RGS7: variants seen among roughly 807,000 people sequenced by gnomAD.
The protein encoded by RGS7 is regulator of G protein signaling 7.
RGS7 carries 27 observed loss-of-function variants against 81.1 expected under a neutral mutation model. The ratio of observed to expected loss-of-function variants is 0.33; its 90% confidence interval spans 0.25 to 0.46. The LOEUF (loss-of-function observed/expected upper bound fraction) is 0.46. Ranked by LOEUF, RGS7 falls within the 20% of genes least tolerant of loss-of-function variation. The pLI is 1.00. For missense variants in RGS7, 396 were observed against 607.4 expected (o/e 0.65, Z 3.66); for synonymous variants, 208 against 207.7 (o/e 1.00, Z -0.01).
intron 2 of RGS7, among the ~76,000 whole-genome samples, chr1:241,259,203 G>A (rs1055463353): frequency 6.6e-6 from 1 of 152,094 alleles, no homozygotes; most frequent in Non-Finnish European, 1.5e-5. Flanking sequence ...TATTTATCAA[G>A]CAGCAAATAA....
intron 18 of RGS7, among the ~76,000 whole-genome samples, chr1:240,800,311 CT>C (rs1236342585): frequency 1.3e-5 from 2 of 152,100 alleles, no homozygotes; most frequent in Non-Finnish European, 2.9e-5. Context: ...GTCCATCATT[CT>C]CCATCCCTTT....
intron 2 of RGS7, among the ~76,000 whole-genome samples, chr1:241,191,557 C>T (rs181132962): frequency 3.9e-5 from 6 of 152,212 alleles, no homozygotes; most frequent in Admixed American, 6.5e-5. Flanking sequence ...GGAGATACAT[C>T]GCTCTTTAGT....
rs138869199 is a variant in RGS7, at chr1:240,974,907, GA to G, written c.226+8171del. On this transcript the variant is annotated intron_variant, in intron 4 of 18. Transcript: ENST00000440928. ...ATTAAAAGCACTTTTCAGAGGAAGG[GA>G]AAAAAAAAAAACCAGAGAAATTAAT... 6.8e-3 allele frequency among the ~76,000 whole-genome samples: 974 copies of G among 142,222 alleles called. 6 individuals are homozygous for G. The highest frequency in any genetic ancestry group is 0.022 in the African/African-American group (858 of 39,090). 93.3% of individuals were successfully genotyped at this position (142,222 alleles called of 152,430 possible).
intron 6 of RGS7, among the ~76,000 whole-genome samples, chr1:240,925,982 CTTG>C (rs1430627014): frequency 6.6e-6 from 1 of 152,024 alleles, no homozygotes; most frequent in African/African-American, 2.4e-5. Context: ...TTGTTTCTTG[CTTG>C]TTGTATTGTT....
chr1:241,182,727 C>T (rs556500365), intron 2 of RGS7, among the ~76,000 whole-genome samples: 2 of 149,308 alleles, frequency 1.3e-5, no homozygotes, highest in African/African-American at 2.5e-5. Context: ...CGGCTCAGTG[C>T]AACCTCCGCC....
chr1:240,856,066 T>C (rs1661068716), intron 9 of RGS7, among the ~76,000 whole-genome samples: 1 of 152,134 alleles, frequency 6.6e-6, no homozygotes, highest in South Asian at 2.1e-4. Context: ...AATTATTTTA[T>C]ACATTCAGAA....
intron 10 of RGS7, among the ~76,000 whole-genome samples, chr1:240,817,917 G>A (rs1691115694): frequency 6.6e-6 from 1 of 151,892 alleles, no homozygotes; most frequent in Non-Finnish European, 1.5e-5. Context: ...TCCTTTTTTT[G>A]GTGCTCTTAT....
intron 6 of RGS7, among the ~76,000 whole-genome samples, chr1:240,887,472 C>G (rs566307139): frequency 9.9e-5 from 15 of 152,146 alleles, no homozygotes; most frequent in Non-Finnish European, 1.9e-4. Flanking sequence ...TCGTGATCTG[C>G]CCGCCTCGGC....
rs188832319 is a variant in RGS7 at position 241,077,534 on chromosome 1, A to G, written c.175+21132T>C. ...TGCTGTTCAGGGACAGTGGAAGGGG[A>G]GGAAAAAGGGATCGTGGTCCAGTGT... On this transcript the variant is annotated intron_variant, in intron 3 of 18. Transcript: ENST00000440928. Among the ~76,000 whole-genome samples the G allele has an allele frequency of 4.0e-3, 603 of 152,168 alleles. 1 individual carries two copies. The highest frequency in any genetic ancestry group is 7.0e-3 in the Non-Finnish European group (479 of 68,002).
intron 10 of RGS7, among the ~76,000 whole-genome samples, chr1:240,820,860 A>G (rs1240222314): frequency 1.3e-5 from 2 of 152,190 alleles, no homozygotes; most frequent in Non-Finnish European, 2.9e-5. Flanking sequence ...ACTAAGTCAG[A>G]GACAGTAAAA....
intron 2 of RGS7, among the ~76,000 whole-genome samples, chr1:241,204,666 G>A (rs2073758509): frequency 1.3e-5 from 2 of 151,568 alleles, no homozygotes; most frequent in South Asian, 2.1e-4. Context: ...ATTGTCTCAA[G>A]TGTCTTTTTG....
intron 3 of RGS7, among the ~76,000 whole-genome samples, chr1:241,003,830 C>G (rs974285394): frequency 6.6e-6 from 1 of 152,128 alleles, no homozygotes; most frequent in South Asian, 2.1e-4. Flanking sequence ...CTCACTGCAA[C>G]CTCCGCCTCC....
chr1:241,181,427 T>A (rs888508221), intron 2 of RGS7, among the ~76,000 whole-genome samples: 7 of 151,906 alleles, frequency 4.6e-5, no homozygotes, highest in African/African-American at 1.7e-4. Flanking sequence ...GGCCATAGAG[T>A]AGTAATAATT....
intron 2 of RGS7, among the ~76,000 whole-genome samples, chr1:241,135,160 C>T (rs1222400488): frequency 6.6e-6 from 1 of 152,200 alleles, no homozygotes; most frequent in Non-Finnish European, 1.5e-5. Context: ...GGCGCGGTGG[C>T]TCATGCCTGT....
chr1:241,149,300 G>C (rs1189916013), intron 2 of RGS7, among the ~76,000 whole-genome samples: 2 of 152,090 alleles, frequency 1.3e-5, no homozygotes, highest in Admixed American at 6.5e-5. Context: ...CCGAATAGTT[G>C]AGATTACAGG....
intron 3 of RGS7, among the ~76,000 whole-genome samples, chr1:241,014,888 T>A (rs1430184539): frequency 6.6e-6 from 1 of 152,140 alleles, no homozygotes; most frequent in Non-Finnish European, 1.5e-5. Flanking sequence ...GAGACGAGAC[T>A]CTTACATAGA....
chr1:241,139,576 C>T (rs2067776129), intron 2 of RGS7, among the ~76,000 whole-genome samples: 2 of 152,120 alleles, frequency 1.3e-5, no homozygotes, highest in South Asian at 4.1e-4. Flanking sequence ...TAAGAAACTG[C>T]CAAACCATTC....
At chr1:241,067,810 C>T (rs1168147306) in intron 3 of RGS7, among the ~76,000 whole-genome samples, 1 of 151,924 alleles carries the variant, frequency 6.6e-6, no homozygotes, top group Non-Finnish European at 1.5e-5. Flanking sequence ...CCACTGCACC[C>T]GGCCTACAAT....
At chr1:241,029,300 T>C (rs2059951855) in intron 3 of RGS7, among the ~76,000 whole-genome samples, 1 of 152,146 alleles carries the variant, frequency 6.6e-6, no homozygotes, top group African/African-American at 2.4e-5. Flanking sequence ...CCAATACTTA[T>C]TTTCAGCACC....
Sources: allele counts gnomAD v4.1 joint callset (sites outside exome capture counted in the v4.1 genomes callset), GRCh38; gene constraint gnomAD v4.1.1; transcripts MANE v1.5; gene names NCBI Gene and HGNC (gene_info 2026-07-23, HGNC 2026-07-21).